MOSMO: variants seen among roughly 807,000 people sequenced by gnomAD.
MOSMO encodes the protein modulator of smoothened.
Under a neutral mutation model 18.4 loss-of-function variants are expected in MOSMO, and 5 were observed. That is an observed-to-expected ratio of 0.27 (90% CI 0.14 to 0.57). MOSMO has a LOEUF of 0.57. Among genes scored for constraint, MOSMO ranks in the 20% least tolerant of loss-of-function variants. The probability of loss-of-function intolerance (pLI) is 0.92; values close to 1 mark genes in which losing one functional copy is unlikely to be tolerated. For synonymous variants in MOSMO, 82 were observed against 82.3 expected (o/e 1.00, Z 0.02); for missense variants, 138 against 211.8 (o/e 0.65, Z 2.16).
chr16:22,009,119 G>A (rs536691912), intron 1 of MOSMO, among the ~76,000 whole-genome samples: 9 of 152,324 alleles, frequency 5.9e-5, no homozygotes, highest in Non-Finnish European at 1.3e-4. Flanking sequence ...GAAGCTTGTG[G>A]CTTCGGATTT....
intron 1 of MOSMO, among the ~76,000 whole-genome samples, chr16:22,010,289 G>T (rs778304027): frequency 6.6e-6 from 1 of 152,170 alleles, no homozygotes; most frequent in Non-Finnish European, 1.5e-5. Flanking sequence ...GGATGGTTTC[G>T]AATTTGGTGG....
intron 1 of MOSMO, among the ~76,000 whole-genome samples, chr16:22,032,690 G>A (rs1000775413): frequency 6.6e-6 from 1 of 152,056 alleles, no homozygotes; most frequent in Non-Finnish European, 1.5e-5. Context: ...GGGACTACAG[G>A]TGCACATTAC....
downstream of MOSMO, among the ~76,000 whole-genome samples, chr16:22,091,150 C>T (rs1032988013): frequency 6.6e-6 from 1 of 152,172 alleles, no homozygotes; most frequent in Non-Finnish European, 1.5e-5. Context: ...TTGCTCACAG[C>T]CACTTATGAC....
intron 1 of MOSMO, among the ~76,000 whole-genome samples, chr16:22,027,034 T>C (rs1899890553): frequency 1.3e-5 from 2 of 152,234 alleles, no homozygotes; most frequent in African/African-American, 4.8e-5. Context: ...TAAAATATAA[T>C]TCTATGTAAT....
At chr16:22,037,906 C>T (rs961465194) in intron 1 of MOSMO, among the ~76,000 whole-genome samples, 2 of 152,182 alleles carry the variant, frequency 1.3e-5, no homozygotes, top group African/African-American at 2.4e-5. Context: ...AGCTTCATTA[C>T]ATAGGCATGA....
intron 1 of MOSMO, among the ~76,000 whole-genome samples, chr16:22,045,752 G>A (rs1236069735): frequency 6.6e-6 from 1 of 151,984 alleles, no homozygotes; most frequent in Non-Finnish European, 1.5e-5. Flanking sequence ...GGGAAAAATT[G>A]CAAGTCTTTT....
chr16:22,017,251 A>G (rs1430815323), intron 1 of MOSMO, among the ~76,000 whole-genome samples: 1 of 152,186 alleles, frequency 6.6e-6, no homozygotes, highest in African/African-American at 2.4e-5. Flanking sequence ...TGCAACCTGA[A>G]TGCATAATTA....
At chr16:22,028,789 A>AG (rs1432312160) in intron 1 of MOSMO, among the ~76,000 whole-genome samples, 1 of 152,160 alleles carries the variant, frequency 6.6e-6, no homozygotes, top group Non-Finnish European at 1.5e-5. Flanking sequence ...TTTATACTCT[A>AG]CTTAACCTTC....
At chr16:22,041,720 G>T (rs1363527720) in intron 1 of MOSMO, among the ~76,000 whole-genome samples, 2 of 150,448 alleles carry the variant, frequency 1.3e-5, no homozygotes, top group Non-Finnish European at 3.0e-5. Context: ...TCACTTTGTT[G>T]CCCAGGCTGG....
Position 22,083,790 on chromosome 16 carries a change from G to T in MOSMO, c.*2910G>T, listed in dbSNP as rs1598029988. 1 of 412,412 alleles carries T rather than the reference G, an allele frequency of 2.4e-6. No individual in the cohort carries two copies. Among genetic ancestry groups the T allele is most frequent in the Non-Finnish European group, 4.7e-6 (1 of 211,750 alleles). The allele number at this position is 412,412 out of a possible 1,614,324, so 25.5% of individuals were successfully genotyped here. A position where few individuals can be genotyped will look rare whatever the true frequency, so the allele number is the denominator to read the frequency against. ...TTTGACATTTTTGGAAGCTCCTATT[G>T]AACATACCCAAACATCTGTAAACAT... is the stretch of plus-strand genomic sequence containing the variant. On this transcript the variant is annotated 3_prime_UTR_variant, in exon 3 of 3. Coordinates refer to ENST00000542527, the MANE Select transcript of MOSMO (RefSeq NM_001164579.2).
chr16:22,014,292 TC>T (rs1215302478), intron 1 of MOSMO, among the ~76,000 whole-genome samples: 2 of 152,080 alleles, frequency 1.3e-5, no homozygotes, highest in African/African-American at 4.8e-5. Context: ...TTCTGTCCTC[TC>T]CCCCGGTCTC....
At chr16:22,029,841 TG>T (rs1899957627) in intron 1 of MOSMO, among the ~76,000 whole-genome samples, 2 of 152,154 alleles carry the variant, frequency 1.3e-5, no homozygotes, top group African/African-American at 4.8e-5. Flanking sequence ...TTGTCCAGGC[TG>T]CTCTCAAACT....
chr16:22,046,392 C>T (rs923364597), intron 1 of MOSMO, among the ~76,000 whole-genome samples: 1 of 152,096 alleles, frequency 6.6e-6, no homozygotes, highest in African/African-American at 2.4e-5. Context: ...TCTCTGGTCA[C>T]ATTTCATCAA....
At chr16:22,058,425 C>CAAAA (rs924395309) in intron 1 of MOSMO, among the ~76,000 whole-genome samples, 4 of 56,672 alleles carry the variant, frequency 7.1e-5, no homozygotes, top group African/African-American at 1.3e-4. Context: ...GACTCCGTCT[C>CAAAA]AAAAAAAAAA....
intron 1 of MOSMO, among the ~76,000 whole-genome samples, chr16:22,064,905 A>C (rs1281764908): frequency 6.6e-6 from 1 of 152,190 alleles, no homozygotes; most frequent in Admixed American, 6.5e-5. Context: ...TTTTCTATAC[A>C]TTATATGGAT....
Position 22,009,804 on chromosome 16 carries a change from C to CAAAAA in MOSMO, c.106+1426_106+1430dup, listed in dbSNP as rs56313303. ...CGAAACCCCGTCTCTACTAAAAATA[C>CAAAAA]AAAAAAAAAAAAAAAAAAAAAAAAA... On this transcript the variant is annotated intron_variant, in intron 1 of 2. Coordinates refer to ENST00000542527, the MANE Select transcript of MOSMO (RefSeq NM_001164579.2). 3.2e-3 allele frequency among the ~76,000 whole-genome samples: 116 copies of CAAAAA among 35,964 alleles called. 1 individual carries two copies. The highest frequency in any genetic ancestry group is 5.0e-3 in the East Asian group (4 of 794). The allele number at this position is 35,964 out of a possible 152,430, so 23.6% of individuals were successfully genotyped here.
chr16:22,021,951 G>T (rs1192286818), intron 1 of MOSMO, among the ~76,000 whole-genome samples: 1 of 152,066 alleles, frequency 6.6e-6, no homozygotes, highest in African/African-American at 2.4e-5. Context: ...TACCTTGAAG[G>T]GTGGTTGTAA....
intron 1 of MOSMO, among the ~76,000 whole-genome samples, chr16:22,046,042 A>T (rs1900303336): frequency 1.3e-5 from 1 of 78,060 alleles, no homozygotes; most frequent in African/African-American, 5.1e-5. Flanking sequence ...CCCACCCCAC[A>T]ACAGGCCCGG....
chr16:22,032,989 G>A (rs1462571800), intron 1 of MOSMO, among the ~76,000 whole-genome samples: 2 of 152,178 alleles, frequency 1.3e-5, no homozygotes, highest in Non-Finnish European at 2.9e-5. Flanking sequence ...AAAATCAACT[G>A]ATCATAAATG....
Sources: gnomAD v4.1 joint callset for allele counts (sites outside exome capture counted in the v4.1 genomes callset) on GRCh38, gnomAD v4.1.1 for gene constraint, MANE v1.5 for transcripts, NCBI Gene and HGNC (gene_info 2026-07-23, HGNC 2026-07-21) for gene names.